DIAPH2: variants seen among roughly 807,000 people sequenced by gnomAD.
DIAPH2 encodes the protein protein diaphanous homolog 2.
Under a neutral mutation model 92.7 loss-of-function variants are expected in DIAPH2, and 35 were observed. The ratio of observed to expected loss-of-function variants is 0.38; its 90% CI spans 0.29 to 0.50. DIAPH2 has a LOEUF of 0.50. Among genes scored for constraint, DIAPH2 ranks in the 20% least tolerant of loss-of-function variants. The pLI is 0.94. For synonymous variants in DIAPH2, 301 were observed against 280.4 expected, an observed-to-expected ratio of 1.07 and a Z score of -0.73; for missense variants, 701 against 819.5, an observed-to-expected ratio of 0.86 and a Z score of 1.77.
rs183546064 is a variant in DIAPH2, at chrX:96,721,642, C to T, written c.133-14116C>T. On this transcript the variant is annotated intron_variant, in intron 1 of 26. Transcript: ENST00000324765. ...GTCAAACAGTTTCAGTGGTTTTCAG[C>T]CAAGGGAACTATTGAATATGTTGAG... is the stretch of plus-strand genomic sequence containing the variant. Among the ~76,000 whole-genome samples, 6 of 111,791 alleles carry T rather than the reference C, an allele frequency of 5.4e-5. No individual in the cohort carries two copies. The Admixed American group carries it at 5.7e-4, about 11-fold the overall frequency.
At chrX:97,253,169 T>C (rs927087493) in intron 23 of DIAPH2, among the ~76,000 whole-genome samples, 1 of 108,982 alleles carries the variant, frequency 9.2e-6, no homozygotes, top group Admixed American at 1.0e-4. Flanking sequence ...AAGCCTATAA[T>C]CCCAGCTACT....
chrX:97,389,465 C>CAAAAAAAAA (rs1164301048), intron 25 of DIAPH2, among the ~76,000 whole-genome samples: 1 of 34,530 alleles, frequency 2.9e-5, no homozygotes, highest in African/African-American at 1.0e-4. Flanking sequence ...GACTCTGTCT[C>CAAAAAAAAA]AAAAAAAAAA....
In DIAPH2 at chrX:97,495,521, A is replaced by G. The variant is rs1361760202; in HGVS notation, c.3241+65776A>G. ...AACTATATTTAAGTGGTACCAAGGT[A>G]TCAGGATTCCCTGCAGACAGTTTGA... On this transcript the variant is annotated intron_variant, in intron 26 of 26. Transcript: ENST00000324765. 1.6e-4 allele frequency among the ~76,000 whole-genome samples: 18 copies of G among 111,753 alleles called. No individual in the cohort carries two copies. The Admixed American group carries it at 1.7e-3, about 11-fold the overall frequency.
rs767102671 is a variant in DIAPH2, at chrX:96,906,872, A to T, written c.588-5456A>T. Among the ~76,000 whole-genome samples, 3 of 112,131 alleles carry T rather than the reference A, an allele frequency of 2.7e-5. No homozygotes were observed. In the South Asian group the frequency reaches 1.1e-3, roughly 42 times the overall value. ...ACATAGGGTTGGAAGATGCTGTCTC[A>T]CTGTGATTCAGACCTCTTGTTCCCA... On this transcript the variant is annotated intron_variant, in intron 5 of 26. Coordinates refer to ENST00000324765, the MANE Select transcript of DIAPH2 (RefSeq NM_006729.5).
chrX:97,045,848 ATTTTTTTTTT>A (rs758666786), intron 17 of DIAPH2, among the ~76,000 whole-genome samples: 20 of 64,447 alleles, frequency 3.1e-4, no homozygotes, highest in Non-Finnish European at 4.4e-4. Context: ...GTATTTTAGG[ATTTTTTTTTT>A]TTTTTTTTTT....
At chrX:97,477,626 C>CTATA (rs750457001) in intron 26 of DIAPH2, among the ~76,000 whole-genome samples, 7 of 87,595 alleles carry the variant, frequency 8.0e-5, no homozygotes, top group African/African-American at 2.8e-4. Flanking sequence ...ATCTATCTAT[C>CTATA]TATATATATA....
chrX:96,981,678 G>A (rs1242604209), intron 17 of DIAPH2, among the ~76,000 whole-genome samples: 2 of 111,804 alleles, frequency 1.8e-5, no homozygotes, highest in Non-Finnish European at 3.8e-5. Context: ...CTCAAGCAGG[G>A]TGATTCCGTA....
intron 26 of DIAPH2, among the ~76,000 whole-genome samples, chrX:97,519,340 ATC>A (rs766827289): frequency 3.9e-4 from 44 of 111,451 alleles, no homozygotes; most frequent in African/African-American, 1.4e-3. Context: ...CATTGAAAAC[ATC>A]TGTTTCAAAA....
Position 96,694,501 on chromosome X carries a change from C to A in DIAPH2, c.132+9311C>A, listed in dbSNP as rs150832469. On this transcript the variant is annotated intron_variant, in intron 1 of 26. Transcript: ENST00000324765. ...GATTACAAGCATGCACCACCACGCC[C>A]AGCTAATTTTTGTATTTTTAGTAGA... Among the ~76,000 whole-genome samples the A allele has an allele frequency of 8.1e-3, 902 of 110,678 alleles. 9 individuals are homozygous for A. Among genetic ancestry groups the A allele is most frequent in the African/African-American group, 0.028 (864 of 30,349 alleles).
chrX:96,700,191 T>G (rs188508690), intron 1 of DIAPH2, among the ~76,000 whole-genome samples: 1 of 111,539 alleles, frequency 9.0e-6, no homozygotes, highest in Non-Finnish European at 1.9e-5. Flanking sequence ...GTATTTTTCA[T>G]AGAGATGTGG....
intron 22 of DIAPH2, among the ~76,000 whole-genome samples, chrX:97,232,700 A>C (rs1029172816): frequency 9.0e-6 from 1 of 111,444 alleles, no homozygotes; most frequent in African/African-American, 3.3e-5. Flanking sequence ...ACTCCCGCAT[A>C]CATGACAGAA....
intron 4 of DIAPH2, among the ~76,000 whole-genome samples, chrX:96,783,352 G>A (rs2064432807): frequency 8.9e-6 from 1 of 112,279 alleles, no homozygotes; most frequent in South Asian, 3.7e-4. Context: ...AGGGCTTCTT[G>A]GACAGAAGAT....
At chrX:97,543,920 A>T (rs1344470453) in intron 26 of DIAPH2, among the ~76,000 whole-genome samples, 1 of 112,334 alleles carries the variant, frequency 8.9e-6, no homozygotes, top group African/African-American at 3.2e-5. Context: ...AATAATAATG[A>T]GAAATATTTA....
chrX:97,463,147 C>T (rs764249838), intron 26 of DIAPH2, among the ~76,000 whole-genome samples: 1 of 110,533 alleles, frequency 9.0e-6, no homozygotes, highest in Non-Finnish European at 1.9e-5. Context: ...ATCATGAGTT[C>T]ATGGGCCTTT....
intron 4 of DIAPH2, among the ~76,000 whole-genome samples, chrX:96,814,799 C>G (rs233683): frequency 0.42 from 46,077 of 110,530 alleles, 8,222 homozygotes; most frequent in African/African-American, 0.7. Context: ...AGATGCAGGT[C>G]TGTTGGTGTT....
At chrX:97,188,142 G>T (rs377636546) in intron 22 of DIAPH2, among the ~76,000 whole-genome samples, 7 of 112,017 alleles carry the variant, frequency 6.2e-5, no homozygotes, top group African/African-American at 2.3e-4. Context: ...CCTACCTTTA[G>T]GATGGAGGTT....
At chrX:97,411,973 T>A (rs2147760078) in intron 25 of DIAPH2, among the ~76,000 whole-genome samples, 1 of 111,661 alleles carries the variant, frequency 9.0e-6, no homozygotes, top group African/African-American at 3.3e-5. Context: ...AACACCCCAC[T>A]GTCAATATTA....
chrX:97,100,341 C>T (rs1487861593), intron 20 of DIAPH2, among the ~76,000 whole-genome samples: 1 of 111,397 alleles, frequency 9.0e-6, no homozygotes, highest in Non-Finnish European at 1.9e-5. Flanking sequence ...GTCTTTAAAT[C>T]ATCATGTAGT....
intron 26 of DIAPH2, among the ~76,000 whole-genome samples, chrX:97,457,011 T>C (rs886995876): frequency 8.9e-6 from 1 of 112,033 alleles, no homozygotes; most frequent in Non-Finnish European, 1.9e-5. Context: ...TTTTTTTGTT[T>C]TGTTTTGTTT....
Sources: gnomAD v4.1 joint callset for allele counts (sites outside exome capture counted in the v4.1 genomes callset) on GRCh38, gnomAD v4.1.1 for gene constraint, MANE v1.5 for transcripts, NCBI Gene and HGNC (gene_info 2026-07-23, HGNC 2026-07-21) for gene names.